The following ACOT9 variants were observed in gnomAD, a reference collection of about 807,000 sequenced individuals.
ACOT9 encodes acyl-CoA thioesterase 9.
Under a neutral mutation model 39.7 loss-of-function variants are expected in ACOT9, and 34 were observed. The observed-to-expected ratio is 0.86, with a 90% CI of 0.65 to 1.14. The LOEUF (loss-of-function observed/expected upper bound fraction) is 1.14, where lower values mean the gene tolerates loss of function less well. Among genes scored for constraint, ACOT9 ranks in the 50% most tolerant of loss-of-function variants. The probability of loss-of-function intolerance (pLI) is 0.00; values close to 1 mark genes in which losing one functional copy is unlikely to be tolerated. For missense variants in ACOT9, 313 were observed against 344.1 expected, an observed-to-expected ratio of 0.91 and a Z score of 0.71; for synonymous variants, 110 against 120.5, an observed-to-expected ratio of 0.91 and a Z score of 0.57.
chrX:23,731,765 G>C (rs776345456), intron 4 of ACOT9, among the ~76,000 whole-genome samples: 12 of 109,549 alleles, frequency 1.1e-4, no homozygotes, highest in Non-Finnish European at 1.9e-4. Context: ...AGACAGAGGA[G>C]GGAAAATGGA....
chrX:23,735,373 G>C (rs17285985), intron 2 of ACOT9, among the ~76,000 whole-genome samples: 1 of 108,809 alleles, frequency 9.2e-6, no homozygotes, highest in Non-Finnish European at 1.9e-5. Flanking sequence ...GGCAAGTATT[G>C]AGGGCCAAGA....
intron 6 of ACOT9, 72 bp from the exon 7 acceptor site, chrX:23,722,825 T>G: frequency 1.5e-6 from 1 of 673,986 alleles, no homozygotes; most frequent in Middle Eastern, 3.1e-4. Flanking sequence ...ATTTCCTCCC[T>G]GAGATCCATG....
intron 1 of ACOT9, among the ~76,000 whole-genome samples, chrX:23,739,036 T>C (rs1457985130): frequency 9.0e-6 from 1 of 111,696 alleles, no homozygotes; most frequent in Non-Finnish European, 1.9e-5. Flanking sequence ...GGCAGGCGTA[T>C]CACTTGAGGT....
intron 8 of ACOT9, 101 bp from the exon 9 acceptor site, chrX:23,713,309 C>T (rs939010404): frequency 2.4e-5 from 15 of 637,625 alleles, no homozygotes; most frequent in Non-Finnish European, 4.9e-6. Flanking sequence ...CAGGTGCAGT[C>T]GCTCACGCCT....
chrX:23,724,458 AC>A (rs200340586), intron 6 of ACOT9, among the ~76,000 whole-genome samples: 1,125 of 109,901 alleles, frequency 0.01, 4 homozygotes, highest in Non-Finnish European at 0.015. Flanking sequence ...ACAGAGTGAG[AC>A]CCCTGTCTCT....
intron 11 of ACOT9, 23 bp downstream of exon 11, chrX:23,706,605 A>G (rs901571009): frequency 1.4e-5 from 13 of 952,248 alleles, no homozygotes; most frequent in Admixed American, 2.3e-5. Flanking sequence ...TGTTTTCCCA[A>G]CGTGGAATCT....
intron 6 of ACOT9, among the ~76,000 whole-genome samples, chrX:23,730,086 G>C (rs1929678315): frequency 1.1e-5 from 1 of 94,347 alleles, no homozygotes; most frequent in Non-Finnish European, 2.0e-5. Context: ...AGAAGTAGTA[G>C]ATGCCATTTT....
chrX:23,730,585 T>G (rs772309895), intron 5 of ACOT9, 21 bp from the exon 6 acceptor site: 7 of 1,185,069 alleles, frequency 5.9e-6, no homozygotes, highest in Non-Finnish European at 6.9e-6. Flanking sequence ...AAGCAAACAG[T>G]GAATTAAATG....
Position 23,702,730 on chromosome X carries a change from G to A in ACOT9, c.*1164C>T, listed in dbSNP as rs1246728130. 9.0e-6 allele frequency: 1 copy of A among 111,501 alleles called. No homozygotes were observed. The highest frequency in any genetic ancestry group is 1.9e-5 in the Non-Finnish European group (1 of 53,139). The allele number at this position is 111,501 out of a possible 1,213,427, so 9.2% of individuals were successfully genotyped here. A position where few individuals can be genotyped will look rare whatever the true frequency, so the allele number is the denominator to read the frequency against. On this transcript the variant is annotated 3_prime_UTR_variant, in exon 16 of 16. Transcript: ENST00000379303. ...CCACATGTTACGCGTCGGACCTCCA[G>A]GAAGTTACTTAAACTCTCTGTGCTT...
In ACOT9 at chrX:23,704,983, A is replaced by G; in HGVS notation, c.1107+10T>C. 8.3e-7 allele frequency: 1 copy of G among 1,206,751 alleles called. No homozygotes were observed. Among genetic ancestry groups the G allele is most frequent in the Non-Finnish European group, 1.1e-6 (1 of 893,085 alleles). On this transcript the variant is annotated intron_variant, in intron 14 of 15. Transcript: ENST00000379303. ...AAAAAGTTGTATGTCATCTCTCATCACACACCTACCTGTGAAGAAAGAAAG... is the reference window on the plus strand; with the variant it reads ...AAAAAGTTGTATGTCATCTCTCATCGCACACCTACCTGTGAAGAAAGAAAG...
At chrX:23,721,244 C>G (rs958130998) in intron 8 of ACOT9, among the ~76,000 whole-genome samples, 2 of 110,123 alleles carry the variant, frequency 1.8e-5, no homozygotes, top group African/African-American at 6.6e-5. Flanking sequence ...GCGTGCACCA[C>G]CAAGCCTGGC....
rs750081033 is a variant in ACOT9, at chrX:23,706,776, G to A, written c.731-37C>T. 2.4e-5 allele frequency: 21 copies of A among 871,832 alleles called. No individual in the cohort carries two copies. The East Asian group carries it at 5.4e-4, about 22-fold the overall frequency. 71.8% of individuals were successfully genotyped at this position (871,832 alleles called of 1,213,427 possible). A position where few individuals can be genotyped will look rare whatever the true frequency, so the allele number is the denominator to read the frequency against. On this transcript the variant is annotated intron_variant, in intron 10 of 15. Transcript: ENST00000379303. ...GAGAATAAGGAGCAATGATCAGGAC[G>A]GTCGCACTACAGCACACGGTATTCT...
intron 6 of ACOT9, among the ~76,000 whole-genome samples, chrX:23,726,060 C>A (rs962389853): frequency 1.8e-5 from 2 of 108,709 alleles, no homozygotes; most frequent in Non-Finnish European, 3.8e-5. Context: ...ATTAGCCGGG[C>A]GTGGTGGTGT....
chrX:23,703,038 CCTT>C lies in ACOT9; in HGVS notation c.*853_*855del, dbSNP rs768738998. The C allele has an allele frequency of 1.8e-5, 2 of 112,335 alleles. No individual in the cohort carries two copies. The highest frequency in any genetic ancestry group is 3.6e-4 in the South Asian group (1 of 2,741). The allele number at this position is 112,335 out of a possible 1,213,427, so 9.3% of individuals were successfully genotyped here. On this transcript the variant is annotated 3_prime_UTR_variant, in exon 16 of 16. Transcript: ENST00000379303. ...TCCTTATCTAGATCATCTCTAAACA[CCTT>C]CTAATGGTATGGTTTCAGACCTAAA... is the stretch of plus-strand genomic sequence containing the variant.
At position 23,722,598 on chromosome X, in the gene ACOT9, C is replaced by T. The variant is rs1488319011; in HGVS notation, c.484+72G>A. The T allele has an allele frequency of 6.5e-5, 48 of 741,630 alleles. 1 individual carries two copies. The East Asian group carries it at 6.7e-4, about 10-fold the overall frequency. 61.1% of individuals were successfully genotyped at this position (741,630 alleles called of 1,213,427 possible). A position where few individuals can be genotyped will look rare whatever the true frequency, so the allele number is the denominator to read the frequency against. ...AAAAAATTCCCATAAAAGGAGAGTACGTCCTGTAATCTCAATAATATCTTG... is the reference window on the plus strand; with the variant it reads ...AAAAAATTCCCATAAAAGGAGAGTATGTCCTGTAATCTCAATAATATCTTG... On this transcript the variant is annotated intron_variant, in intron 7 of 15. Coordinates refer to ENST00000379303, the MANE Select transcript of ACOT9 (RefSeq NM_001037171.2).
chrX:23,724,901 C>T (rs1336018647), intron 6 of ACOT9, among the ~76,000 whole-genome samples: 1 of 110,569 alleles, frequency 9.0e-6, no homozygotes, highest in Non-Finnish European at 1.9e-5. Flanking sequence ...TTTACCACTG[C>T]ACTACAGCCC....
rs770023790 is a variant in ACOT9, at chrX:23,703,672, T to G, written c.*222A>C. 3.2e-6 allele frequency: 1 copy of G among 312,863 alleles called. No homozygotes were observed. Among genetic ancestry groups the G allele is most frequent in the African/African-American group, 2.7e-5 (1 of 37,191 alleles). The allele number at this position is 312,863 out of a possible 1,213,427, so 25.8% of individuals were successfully genotyped here. On this transcript the variant is annotated 3_prime_UTR_variant, in exon 16 of 16. Transcript: ENST00000379303. ...GGAGGCAACATGGTAGGTTCACAAT[T>G]AAAATTGTCTTGAAAGTATTTATTG...
At chrX:23,738,016 C>T (rs997631576) in intron 1 of ACOT9, among the ~76,000 whole-genome samples, 1 of 106,331 alleles carries the variant, frequency 9.4e-6, no homozygotes, top group Non-Finnish European at 1.9e-5. Flanking sequence ...CTACAGGCGC[C>T]GCCACCGCGC....
chrX:23,734,351 A>T lies in ACOT9; in HGVS notation c.135T>A (p.His45Gln). Residue 45 changes from histidine (H) to glutamine (Q), a missense_variant, in exon 3 of 16, where the codon CAT (histidine) becomes CAA (glutamine). His to Gln is a conservative substitution (Grantham distance 24). Coordinates refer to ENST00000379303, the MANE Select transcript of ACOT9 (RefSeq NM_001037171.2). Reference protein sequence around the residue: ...FHIHEACSSIHVNHVRDKLRE... With the variant: ...FHIHEACSSIQVNHVRDKLRE... ...AATTACCACACACACCATGATTCACATGTATAGATGAACATGCTATATGAA... is the reference window on the plus strand; with the variant it reads ...AATTACCACACACACCATGATTCACTTGTATAGATGAACATGCTATATGAA... 8.4e-7 allele frequency: 1 copy of T among 1,194,675 alleles called. No individual in the cohort carries two copies.
Sources: allele counts gnomAD v4.1 joint callset (sites outside exome capture counted in the v4.1 genomes callset), GRCh38; gene constraint gnomAD v4.1.1; transcripts MANE v1.5; gene names NCBI Gene and HGNC (gene_info 2026-07-23, HGNC 2026-07-21).